Variants in SMURF1 observed in about 807,000 individuals in gnomAD.
SMURF1 encodes the protein SMAD specific E3 ubiquitin protein ligase 1.
Under a neutral mutation model 98.0 loss-of-function variants are expected in SMURF1, and 44 were observed. The ratio of observed to expected loss-of-function variants is 0.45; its 90% CI spans 0.35 to 0.58. The LOEUF (loss-of-function observed/expected upper bound fraction) is 0.58. SMURF1 is among the 20% of genes least tolerant of loss of function. The pLI, the probability that SMURF1 is intolerant of heterozygous loss-of-function variation, is 0.00. For synonymous variants in SMURF1, 396 were observed against 374.9 expected (o/e 1.06, Z -0.65); for missense variants, 687 against 938.4 (o/e 0.73, Z 3.50).
At position 99,030,436 on chromosome 7, in the gene SMURF1, C is replaced by T. The variant is rs767024521; in HGVS notation, c.*148G>A. 2.9e-6 allele frequency: 2 copies of T among 678,808 alleles called. No homozygotes were observed. Among genetic ancestry groups the T allele is most frequent in the African/African-American group, 1.8e-5 (1 of 55,590 alleles). The allele number at this position is 678,808 out of a possible 1,614,324, so 42.0% of individuals were successfully genotyped here. A position where few individuals can be genotyped will look rare whatever the true frequency, so the allele number is the denominator to read the frequency against. On this transcript the variant is annotated 3_prime_UTR_variant, in exon 18 of 18. Coordinates refer to ENST00000361368, the MANE Select transcript of SMURF1 (RefSeq NM_181349.3). ...CCACCAACAAAAGTCCCCCATCCCC[C>T]TCCCCCAACAGAAAGGAGAGAGACA...
chr7:99,101,967 G>A (rs1418669094), intron 1 of SMURF1, among the ~76,000 whole-genome samples: 5 of 151,714 alleles, frequency 3.3e-5, no homozygotes, highest in Admixed American at 2.6e-4. Flanking sequence ...CAAAACAAGG[G>A]AATAATTTCA....
intron 1 of SMURF1, among the ~76,000 whole-genome samples, chr7:99,070,998 G>C (rs1303699968): frequency 2.0e-5 from 3 of 151,418 alleles, no homozygotes; most frequent in Admixed American, 1.3e-4. Context: ...TATAATGAGG[G>C]AGAAATAAAG....
At chr7:99,100,108 TA>T (rs10559622) in intron 1 of SMURF1, among the ~76,000 whole-genome samples, 20,138 of 141,568 alleles carry the variant, frequency 0.14, 1,984 homozygotes, top group African/African-American at 0.28. Context: ...TGGGAAAAGT[TA>T]AAAAAAAAAA....
At chr7:99,118,858 AT>A (rs1221696094) in intron 1 of SMURF1, among the ~76,000 whole-genome samples, 1 of 151,788 alleles carries the variant, frequency 6.6e-6, no homozygotes. Flanking sequence ...GATAGTTCCT[AT>A]TTATTTCTGC....
At chr7:99,106,161 T>C (rs560359882) in intron 1 of SMURF1, among the ~76,000 whole-genome samples, 2 of 152,334 alleles carry the variant, frequency 1.3e-5, no homozygotes, top group African/African-American at 4.8e-5. Context: ...CCTTTTTATT[T>C]GATATCCTCT....
chr7:99,054,811 C>T lies in SMURF1; in HGVS notation c.458G>A (p.Arg153Lys). The T allele has an allele frequency of 6.2e-7, 1 of 1,614,106 alleles. No homozygotes were observed. The highest frequency in any genetic ancestry group is 8.5e-7 in the Non-Finnish European group (1 of 1,180,022). The change falls in exon 6 of 18, where the codon AGA becomes AAA. Residue 153 changes from arginine to lysine, a missense_variant. Arg to Lys is a conservative substitution (Grantham distance 26). Around this residue, in one of 2 missense-constraint regions of SMURF1, gnomAD observed 415 missense variants for 508.4 expected, o/e 0.82. Coordinates refer to ENST00000361368, the MANE Select transcript of SMURF1 (RefSeq NM_181349.3). ...GTACCCTTCATTTTCTAACAGTCCT[C>T]TGCAGTCCACCACCGAGCCGCCGGT... ...IGTGGSVVDC[R>K]GLLENEGTVY...
chr7:99,040,357 C>T (rs777562189), intron 13 of SMURF1, 21 bp downstream of exon 13: 20 of 1,456,024 alleles, frequency 1.4e-5, no homozygotes, highest in South Asian at 1.0e-4. Context: ...GCCAGGTGAC[C>T]GGCCGTCAGT....
chr7:99,079,583 T>C (rs1400591101), intron 1 of SMURF1, among the ~76,000 whole-genome samples: 1 of 152,174 alleles, frequency 6.6e-6, no homozygotes, highest in Non-Finnish European at 1.5e-5. Context: ...GCTAACTACA[T>C]ACTAAGCTAC....
intron 1 of SMURF1, among the ~76,000 whole-genome samples, chr7:99,119,767 G>A (rs1797557406): frequency 1.3e-5 from 2 of 152,152 alleles, no homozygotes; most frequent in African/African-American, 4.8e-5. Flanking sequence ...TATATTGAAA[G>A]GAGCTTTCAA....
intron 11 of SMURF1, 89 bp from the exon 12 acceptor site, chr7:99,042,321 C>G (rs1189257911): frequency 1.2e-6 from 1 of 860,374 alleles, no homozygotes; most frequent in Non-Finnish European, 1.8e-6. Flanking sequence ...ACTCTGTCGC[C>G]CAGGCTGGAG....
chr7:99,139,637 G>A (rs1798070298), intron 1 of SMURF1, among the ~76,000 whole-genome samples: 1 of 152,146 alleles, frequency 6.6e-6, no homozygotes, highest in South Asian at 2.1e-4. Flanking sequence ...TGTTTCTAAA[G>A]TGTTTGATTT....
chr7:99,143,587 G>A (rs1296617062), intron 1 of SMURF1, 139 bp downstream of exon 1: 6 of 636,048 alleles, frequency 9.4e-6, no homozygotes, highest in African/African-American at 2.0e-5. Flanking sequence ...GAGAAGCGAG[G>A]GGCGCACGCC....
chr7:99,109,831 T>C (rs1195892359), intron 1 of SMURF1, among the ~76,000 whole-genome samples: 6 of 152,216 alleles, frequency 3.9e-5, no homozygotes, highest in South Asian at 2.1e-4. Context: ...CTCCACATGA[T>C]AAAATATACA....
intron 1 of SMURF1, among the ~76,000 whole-genome samples, chr7:99,098,001 T>C (rs1796993287): frequency 6.8e-6 from 1 of 146,062 alleles, no homozygotes; most frequent in Non-Finnish European, 1.5e-5. Flanking sequence ...AATGAAGATC[T>C]TTTTCAACAG....
intron 1 of SMURF1, among the ~76,000 whole-genome samples, chr7:99,103,846 T>G (rs949192545): frequency 6.6e-6 from 1 of 151,802 alleles, no homozygotes; most frequent in Non-Finnish European, 1.5e-5. Flanking sequence ...GAAATTTTCT[T>G]GTCATATATG....
At chr7:99,035,428 G>C in intron 16 of SMURF1, 87 bp downstream of exon 16, 1 of 1,484,688 alleles carries the variant, frequency 6.7e-7, no homozygotes, top group Non-Finnish European at 9.2e-7. Context: ...ACACATCTCA[G>C]AAAAACATCC....
chr7:99,093,232 G>A (rs1362315101), intron 1 of SMURF1, among the ~76,000 whole-genome samples: 2 of 152,146 alleles, frequency 1.3e-5, no homozygotes, highest in Non-Finnish European at 2.9e-5. Context: ...AGAAGGTTTC[G>A]TGTTCTCTGA....
chr7:99,064,994 C>T (rs1429634658), intron 1 of SMURF1, among the ~76,000 whole-genome samples: 1 of 152,038 alleles, frequency 6.6e-6, no homozygotes, highest in Non-Finnish European at 1.5e-5. Flanking sequence ...AAAATGACTT[C>T]ATAAGTAAAT....
At chr7:99,133,028 G>A (rs370275142) in intron 1 of SMURF1, among the ~76,000 whole-genome samples, 1 of 152,010 alleles carries the variant, frequency 6.6e-6, no homozygotes, top group South Asian at 2.1e-4. Flanking sequence ...GGCTGGGGTG[G>A]TGGTGCAGCT....
Sources: gnomAD v4.1 joint callset for allele counts (sites outside exome capture counted in the v4.1 genomes callset) on GRCh38, gnomAD v4.1.1 for gene constraint, gnomAD v4.1.1 regional missense constraint, MANE v1.5 for transcripts, NCBI Gene and HGNC (gene_info 2026-07-23, HGNC 2026-07-21) for gene names.